Variants in RNF216 observed in about 807,000 individuals in gnomAD.
The protein encoded by RNF216 is ring finger protein 216, also known as E3 ubiquitin-protein ligase RNF216.
A neutral mutation model predicts 110.8 loss-of-function variants in RNF216; 72 were observed. The ratio of observed to expected loss-of-function variants is 0.65; its 90% CI spans 0.54 to 0.79. The LOEUF (loss-of-function observed/expected upper bound fraction) is 0.79. RNF216 is among the 30% of genes least tolerant of loss of function. RNF216 has a pLI of 0.00. For missense variants in RNF216, 1,342 were observed against 1,141.2 expected, an observed-to-expected ratio of 1.18 and a Z score of -2.54; for synonymous variants, 495 against 407.5, an observed-to-expected ratio of 1.21 and a Z score of -2.59.
rs527528462 is a variant in RNF216 at position 5,636,364 on chromosome 7, A to T, written c.2382+4790T>A. On this transcript the variant is annotated intron_variant, in intron 15 of 16. Coordinates refer to ENST00000389902, the MANE Select transcript of RNF216 (RefSeq NM_207111.4). ...GTTGAATGCTTTTGGCTTCATTTTG[A>T]TAACTAACAGAGAAAGAAAGTTACT... is the stretch of plus-strand genomic sequence containing the variant. 2.2e-3 allele frequency among the ~76,000 whole-genome samples: 340 copies of T among 152,296 alleles called. 1 individual carries two copies. The highest frequency in any genetic ancestry group is 3.9e-3 in the Non-Finnish European group (266 of 68,028).
At chr7:5,754,125 T>C (rs926470821) in intron 2 of RNF216, among the ~76,000 whole-genome samples, 3 of 84,602 alleles carry the variant, frequency 3.5e-5, no homozygotes, top group Admixed American at 3.1e-4. Flanking sequence ...GTGTGGTGTG[T>C]GTGTGTGTGT....
intron 1 of RNF216, among the ~76,000 whole-genome samples, chr7:5,776,407 C>A (rs1796776446): frequency 2.0e-5 from 3 of 149,138 alleles, no homozygotes; most frequent in Non-Finnish European, 3.0e-5. Context: ...CACGGTGAAA[C>A]CCCGTCTCTA....
chr7:5,758,456 G>T (rs1795760206), intron 2 of RNF216, among the ~76,000 whole-genome samples: 1 of 152,164 alleles, frequency 6.6e-6, no homozygotes, highest in African/African-American at 2.4e-5. Flanking sequence ...TGACTCTTGA[G>T]CAACACTGAT....
At chr7:5,686,391 A>G (rs4724712) in intron 13 of RNF216, among the ~76,000 whole-genome samples, 70,341 of 152,018 alleles carry the variant, frequency 0.46, 18,051 homozygotes, top group East Asian at 0.88. Context: ...GCTGGGACAG[A>G]AAACAGGATC....
chr7:5,780,632 G>A (rs1797028351), intron 1 of RNF216, among the ~76,000 whole-genome samples: 1 of 151,664 alleles, frequency 6.6e-6, no homozygotes, highest in Admixed American at 6.6e-5. Context: ...TTGAATCCGG[G>A]AGGCAGAGCT....
At chr7:5,635,348 C>G (rs1019294093) in intron 15 of RNF216, among the ~76,000 whole-genome samples, 1 of 150,664 alleles carries the variant, frequency 6.6e-6, no homozygotes, top group Non-Finnish European at 1.5e-5. Flanking sequence ...AGAAATAACA[C>G]GCCAAAGCCA....
intron 13 of RNF216, among the ~76,000 whole-genome samples, chr7:5,655,892 T>G (rs570788265): frequency 2.3e-4 from 35 of 152,298 alleles, no homozygotes; most frequent in African/African-American, 8.4e-4. Flanking sequence ...GGTCTCACTC[T>G]GTCACCCTGG....
intron 13 of RNF216, among the ~76,000 whole-genome samples, chr7:5,658,993 T>C (rs1031622767): frequency 6.6e-6 from 1 of 152,138 alleles, no homozygotes; most frequent in African/African-American, 2.4e-5. Context: ...GACAGAAAGA[T>C]GGTTGAGAAG....
intron 3 of RNF216, among the ~76,000 whole-genome samples, chr7:5,748,526 G>A (rs762509508): frequency 1.1e-4 from 16 of 152,084 alleles, no homozygotes; most frequent in Non-Finnish European, 1.8e-4. Flanking sequence ...ATAGGCGTGA[G>A]CCACCGTGTC....
chr7:5,666,113 T>G (rs1158850825), intron 13 of RNF216, among the ~76,000 whole-genome samples: 1 of 136,602 alleles, frequency 7.3e-6, no homozygotes, highest in African/African-American at 2.8e-5. Context: ...TTGCAGTGAG[T>G]GGAGATCACG....
chr7:5,758,056 C>G (rs542750944), intron 2 of RNF216, among the ~76,000 whole-genome samples: 1 of 152,138 alleles, frequency 6.6e-6, no homozygotes, highest in African/African-American at 2.4e-5. Context: ...GAAAAAAGTT[C>G]TCATGATGGG....
chr7:5,653,889 C>T (rs902459750), intron 13 of RNF216, among the ~76,000 whole-genome samples: 6 of 152,164 alleles, frequency 3.9e-5, no homozygotes, highest in African/African-American at 1.4e-4. Flanking sequence ...ATGTTCAGTT[C>T]CTATGGCTGG....
At chr7:5,735,635 C>G (rs1037148440) in intron 5 of RNF216, among the ~76,000 whole-genome samples, 1 of 152,040 alleles carries the variant, frequency 6.6e-6, no homozygotes, top group African/African-American at 2.4e-5. Flanking sequence ...ATCTCAGAGA[C>G]AAAGAGGTGG....
intron 13 of RNF216, among the ~76,000 whole-genome samples, chr7:5,706,597 A>T (rs1792305506): frequency 6.6e-6 from 1 of 152,206 alleles, no homozygotes; most frequent in Middle Eastern, 3.2e-3. Flanking sequence ...AATATACCAA[A>T]TTTTAACCAT....
intron 15 of RNF216, among the ~76,000 whole-genome samples, chr7:5,637,900 C>A (rs1004384250): frequency 1.3e-5 from 2 of 152,290 alleles, no homozygotes; most frequent in African/African-American, 4.8e-5. Context: ...GGGTGGAGTG[C>A]GGTGGCGCGA....
chr7:5,739,160 A>C (rs75422147), intron 5 of RNF216, 116 bp downstream of exon 5: 32,883 of 1,244,774 alleles, frequency 0.026, 499 homozygotes, highest in Non-Finnish European at 0.031. Flanking sequence ...AATAATGTGA[A>C]TTTACTTAAC....
rs747559626 is a variant in RNF216, at chr7:5,741,321, A to G, written c.696T>C (p.His232=). 7 of 1,614,078 alleles carry G rather than the reference A, an allele frequency of 4.3e-6. No individual in the cohort carries two copies. The South Asian group carries it at 7.7e-5, about 18-fold the overall frequency. The change falls in exon 4 of 17, where the codon CAT becomes CAC. Residue 232 remains histidine (H), a synonymous_variant. Coordinates refer to ENST00000389902, the MANE Select transcript of RNF216 (RefSeq NM_207111.4). ...QAIEEDCWLD[H]PYFQSLNQQP... ...GTTGGTTCAGAGACTGGAAGTAAGGATGATCTAACCAGCAGTCTTCTTCGA... is the reference window on the plus strand; with the variant it reads ...GTTGGTTCAGAGACTGGAAGTAAGGGTGATCTAACCAGCAGTCTTCTTCGA...
intron 2 of RNF216, among the ~76,000 whole-genome samples, chr7:5,753,790 T>A (rs1201859377): frequency 6.6e-6 from 1 of 151,620 alleles, no homozygotes; most frequent in African/African-American, 2.4e-5. Flanking sequence ...AGGTCAGGAG[T>A]TTGAGACCAG....
At chr7:5,753,853 T>C (rs942272683) in intron 2 of RNF216, among the ~76,000 whole-genome samples, 1 of 152,006 alleles carries the variant, frequency 6.6e-6, no homozygotes, top group African/African-American at 2.4e-5. Context: ...AAATTAGCCA[T>C]GCGTGGTGGC....
Sources: allele counts gnomAD v4.1 joint callset (sites outside exome capture counted in the v4.1 genomes callset), GRCh38; gene constraint gnomAD v4.1.1; transcripts MANE v1.5; gene names NCBI Gene and HGNC (gene_info 2026-07-23, HGNC 2026-07-21).